The following RALGAPA2 variants were observed in gnomAD, a reference collection of about 807,000 sequenced individuals.
RALGAPA2 encodes the protein Ral GTPase activating protein catalytic subunit alpha 2.
Under a neutral mutation model 230.4 loss-of-function variants are expected in RALGAPA2, and 139 were observed. That is an observed-to-expected ratio of 0.60 (90% CI 0.53 to 0.69). The LOEUF (loss-of-function observed/expected upper bound fraction) is 0.69, where lower values mean the gene tolerates loss of function less well. RALGAPA2 is among the 30% of genes least tolerant of loss of function. The probability of loss-of-function intolerance (pLI) is 0.00; values close to 1 mark genes in which losing one functional copy is unlikely to be tolerated. For missense variants in RALGAPA2, 2,163 were observed against 2,276.0 expected (o/e 0.95, Z 1.01); for synonymous variants, 847 against 837.8 (o/e 1.01, Z -0.19).
intron 20 of RALGAPA2, among the ~76,000 whole-genome samples, chr20:20,582,210 A>G (rs1169774931): frequency 1.4e-5 from 2 of 143,368 alleles, no homozygotes; most frequent in African/African-American, 2.6e-5. Flanking sequence ...GTGTGTGTGT[A>G]GCTAAAACTG....
At chr20:20,482,196 T>C (rs1439636379) in intron 36 of RALGAPA2, among the ~76,000 whole-genome samples, 1 of 152,204 alleles carries the variant, frequency 6.6e-6, no homozygotes, top group African/African-American at 2.4e-5. Flanking sequence ...AGATTTCATG[T>C]ACCATCTGTT....
intron 37 of RALGAPA2, among the ~76,000 whole-genome samples, chr20:20,459,287 C>T (rs1488438017): frequency 1.3e-5 from 2 of 152,134 alleles, no homozygotes; most frequent in Non-Finnish European, 2.9e-5. Context: ...TTACTATTTC[C>T]TCTTTATTGC....
chr20:20,699,560 C>G (rs1603254211), intron 1 of RALGAPA2, among the ~76,000 whole-genome samples: 1 of 152,156 alleles, frequency 6.6e-6, no homozygotes, highest in Non-Finnish European at 1.5e-5. Flanking sequence ...GTCTTCAGTT[C>G]CCCTCTCTTC....
intron 31 of RALGAPA2, among the ~76,000 whole-genome samples, chr20:20,518,381 G>C (rs2062939639): frequency 6.6e-6 from 1 of 152,056 alleles, no homozygotes. Context: ...GTTTTGTTAT[G>C]GATGATGAAG....
chr20:20,450,064 A>C (rs2060954220), intron 37 of RALGAPA2, among the ~76,000 whole-genome samples: 1 of 152,180 alleles, frequency 6.6e-6, no homozygotes, highest in Non-Finnish European at 1.5e-5. Flanking sequence ...CATGGCCTTT[A>C]TGTAAGCTCT....
chr20:20,653,828 A>T (rs569250946), intron 3 of RALGAPA2, among the ~76,000 whole-genome samples: 18 of 152,166 alleles, frequency 1.2e-4, no homozygotes, highest in African/African-American at 3.9e-4. Context: ...CCTCCAAAAG[A>T]AAACAAGAAA....
At chr20:20,698,972 AT>A (rs1291581496) in intron 1 of RALGAPA2, among the ~76,000 whole-genome samples, 2 of 152,200 alleles carry the variant, frequency 1.3e-5, no homozygotes, top group African/African-American at 4.8e-5. Context: ...TGCTAATATA[AT>A]GGATGAATAT....
At chr20:20,401,646 G>A (rs1358535649) in intron 38 of RALGAPA2, among the ~76,000 whole-genome samples, 1 of 152,206 alleles carries the variant, frequency 6.6e-6, no homozygotes, top group African/African-American at 2.4e-5. Context: ...AACAGCTCAA[G>A]AAAATGTAGC....
At position 20,505,543 on chromosome 20, in the gene RALGAPA2, T is replaced by C; in HGVS notation, c.4929-9A>G. 6.4e-7 allele frequency: 1 copy of C among 1,554,622 alleles called. No homozygotes were observed. Among genetic ancestry groups the C allele is most frequent in the Non-Finnish European group, 8.7e-7 (1 of 1,154,462 alleles). ...TTTTGTGTGTCTCACGGCTATAAAT[T>C]TTTAAATTTAAAGGAGTTAGAATTC... On this transcript the variant is annotated splice_polypyrimidine_tract_variant and intron_variant, in intron 33 of 39. Coordinates refer to ENST00000202677, the MANE Select transcript of RALGAPA2 (RefSeq NM_020343.4).
In RALGAPA2 at chr20:20,635,479, T is replaced by C. The variant is rs1213200052; in HGVS notation, c.944A>G (p.Lys315Arg). 10 of 1,595,998 alleles carry C rather than the reference T, an allele frequency of 6.3e-6. No homozygotes were observed. The East Asian group carries it at 2.3e-4, about 36-fold the overall frequency. Residue 315 changes from lysine (K) to arginine (R), a missense_variant, in exon 9 of 40, where the codon AAG (lysine) becomes AGG (arginine). By Grantham distance (26) the Lys-to-Arg change is conservative. Transcript: ENST00000202677. ...KWIVTFFLEKKYLTATQNTKN... is the reference protein window; with the variant it reads ...KWIVTFFLEKRYLTATQNTKN... ...AGTGTTTTGTGTTGCAGTTAGATAC[T>C]TTTTTTCCAAAAAGAAGGTTACAAT...
Position 20,540,949 on chromosome 20 carries a change from G to T in RALGAPA2, c.3286-4165C>A, listed in dbSNP as rs564679611. 5.3e-5 allele frequency among the ~76,000 whole-genome samples: 8 copies of T among 151,716 alleles called. No individual in the cohort carries two copies. The South Asian group carries it at 1.7e-3, about 31-fold the overall frequency. On this transcript the variant is annotated intron_variant, in intron 24 of 39. Transcript: ENST00000202677. Reference sequence around the variant, plus strand: ...TCTGTCAGAGGCCTCAAATAAGGAAGAATCACTATTTTGGTAATTGGTGAT... The same window carrying T: ...TCTGTCAGAGGCCTCAAATAAGGAATAATCACTATTTTGGTAATTGGTGAT...
chr20:20,607,031 A>G (rs921466263), intron 14 of RALGAPA2, among the ~76,000 whole-genome samples: 1 of 152,240 alleles, frequency 6.6e-6, no homozygotes, highest in Non-Finnish European at 1.5e-5. Context: ...CTGGTGTCAA[A>G]GAGAAATGCA....
chr20:20,708,716 T>C (rs2069712405), intron 1 of RALGAPA2, among the ~76,000 whole-genome samples: 1 of 152,224 alleles, frequency 6.6e-6, no homozygotes, highest in Non-Finnish European at 1.5e-5. Context: ...TTTTATGACA[T>C]TCTTAATTAT....
chr20:20,567,889 A>G (rs1047393451), intron 23 of RALGAPA2, among the ~76,000 whole-genome samples: 4 of 145,584 alleles, frequency 2.7e-5, no homozygotes, highest in Non-Finnish European at 5.9e-5. Flanking sequence ...ATAAAATAAA[A>G]TAAAATAAAA....
intron 36 of RALGAPA2, among the ~76,000 whole-genome samples, chr20:20,493,257 C>T (rs1328386469): frequency 2.0e-5 from 3 of 152,202 alleles, no homozygotes; most frequent in South Asian, 2.1e-4. Flanking sequence ...CTGGAAATGT[C>T]TGGATTAATT....
intron 16 of RALGAPA2, chr20:20,598,784 G>C: frequency 2.2e-6 from 1 of 456,512 alleles, no homozygotes; most frequent in Non-Finnish European, 4.4e-6. Context: ...GCCTCAGAAA[G>C]GTGGACACAG....
intron 18 of RALGAPA2, among the ~76,000 whole-genome samples, chr20:20,586,632 A>T (rs1409822092): frequency 1.3e-5 from 2 of 152,230 alleles, no homozygotes; most frequent in Non-Finnish European, 2.9e-5. Context: ...AAGCAACAAA[A>T]GATTATTAGA....
chr20:20,537,690 CAAG>C (rs2063534553), intron 24 of RALGAPA2, among the ~76,000 whole-genome samples: 2 of 151,518 alleles, frequency 1.3e-5, no homozygotes, highest in Admixed American at 1.3e-4. Flanking sequence ...TATGGTTAGC[CAAG>C]AATAGGGGAC....
At chr20:20,578,123 A>C (rs569215225) in intron 20 of RALGAPA2, among the ~76,000 whole-genome samples, 40 of 152,260 alleles carry the variant, frequency 2.6e-4, no homozygotes, top group African/African-American at 9.1e-4. Context: ...AGGTACGCTG[A>C]CTTCTTTAGG....
Sources: allele counts gnomAD v4.1 joint callset (sites outside exome capture counted in the v4.1 genomes callset), GRCh38; gene constraint gnomAD v4.1.1; transcripts MANE v1.5; gene names NCBI Gene and HGNC (gene_info 2026-07-23, HGNC 2026-07-21).